The following PELP1 variants were observed in gnomAD, a reference collection of about 807,000 sequenced individuals.
PELP1 encodes proline, glutamate and leucine rich protein 1, also known as proline-, glutamic acid- and leucine-rich protein 1.
Under a neutral mutation model 95.5 loss-of-function variants are expected in PELP1, and 32 were observed. That is an observed-to-expected ratio of 0.34 (90% CI 0.25 to 0.45). The LOEUF is 0.45. Among genes scored for constraint, PELP1 ranks in the 20% least tolerant of loss-of-function variants. The probability of loss-of-function intolerance (pLI) is 1.00; values close to 1 mark genes in which losing one functional copy is unlikely to be tolerated. For synonymous variants in PELP1, 668 were observed against 600.1 expected, an observed-to-expected ratio of 1.11 and a Z score of -1.65; for missense variants, 1,358 against 1,444.8, an observed-to-expected ratio of 0.94 and a Z score of 0.97.
At chr17:4,691,608 T>C (rs1490981907) in intron 1 of PELP1, 166 bp from the exon 2 acceptor site, 12 of 610,668 alleles carry the variant, frequency 2.0e-5, no homozygotes, top group Non-Finnish European at 3.5e-5. Flanking sequence ...TCCCCTTTTT[T>C]CCTGTGGGAA....
chr17:4,699,194 A>T (rs1009204683), intron 1 of PELP1, among the ~76,000 whole-genome samples: 1 of 152,148 alleles, frequency 6.6e-6, no homozygotes, highest in South Asian at 2.1e-4. Context: ...CCTGGCTAAC[A>T]CGGTGAAACC....
intron 1 of PELP1, among the ~76,000 whole-genome samples, chr17:4,699,016 T>C (rs1018758668): frequency 2.0e-5 from 3 of 152,210 alleles, no homozygotes; most frequent in Admixed American, 6.5e-5. Context: ...CAAATGTGCA[T>C]TTATGTTATT....
intron 3 of PELP1, among the ~76,000 whole-genome samples, chr17:4,684,180 G>A (rs980708389): frequency 6.6e-6 from 1 of 152,040 alleles, no homozygotes; most frequent in African/African-American, 2.4e-5. Flanking sequence ...GAGGCCATGT[G>A]TCAAAAAAAG....
intron 3 of PELP1, among the ~76,000 whole-genome samples, chr17:4,690,395 A>C (rs972701899): frequency 2.0e-5 from 3 of 152,080 alleles, no homozygotes. Context: ...ATGTAACCAA[A>C]CACCACCTGT....
At chr17:4,698,205 A>G (rs1162991301) in intron 1 of PELP1, among the ~76,000 whole-genome samples, 6 of 152,058 alleles carry the variant, frequency 3.9e-5, no homozygotes, top group African/African-American at 1.4e-4. Flanking sequence ...CTCCAGTTTA[A>G]TTTGTCTGCT....
chr17:4,673,763 A>G lies in PELP1; in HGVS notation c.1583-89T>C. The G allele has an allele frequency of 9.6e-7, 1 of 1,041,334 alleles. No homozygotes were observed. The highest frequency in any genetic ancestry group is 1.5e-6 in the Non-Finnish European group (1 of 657,832). The allele number at this position is 1,041,334 out of a possible 1,614,324, so 64.5% of individuals were successfully genotyped here. On this transcript the variant is annotated intron_variant, in intron 13 of 16. Transcript: ENST00000572293. The surrounding 1 kb of genome is among the most constrained non-coding windows in gnomAD (Gnocchi z 5.7). ...AGCATACAGCCCAAAATGGGCATCA[A>G]CTCTGCCACTGCCTATCTTGGCCAA...
In PELP1 at chr17:4,675,364, T is replaced by G; in HGVS notation, c.1069-2A>C. The G allele has an allele frequency of 2.0e-6, 3 of 1,518,320 alleles. No individual in the cohort carries two copies. The highest frequency in any genetic ancestry group is 2.7e-6 in the Non-Finnish European group (3 of 1,117,656). 94.1% of individuals were successfully genotyped at this position (1,518,320 alleles called of 1,614,324 possible). A position where few individuals can be genotyped will look rare whatever the true frequency, so the allele number is the denominator to read the frequency against. On this transcript the variant is annotated splice_acceptor_variant, in intron 9 of 16. Transcript: ENST00000572293. LOFTEE classifies it high-confidence loss of function. The surrounding 1 kb of genome is among the most constrained non-coding windows in gnomAD (Gnocchi z 4.3). ...CAGGGGACCATCTCCATGCAAGCTCTGGAGAAAAAAGGGGCAGAGATAAAG... is the reference window on the plus strand; with the variant it reads ...CAGGGGACCATCTCCATGCAAGCTCGGGAGAAAAAAGGGGCAGAGATAAAG...
At chr17:4,692,669 G>T (rs1035283764) in intron 1 of PELP1, among the ~76,000 whole-genome samples, 1 of 151,960 alleles carries the variant, frequency 6.6e-6, no homozygotes, top group East Asian at 1.9e-4. Flanking sequence ...AGTAGGCAAA[G>T]GGGACAGGAT....
chr17:4,689,797 G>T (rs1913028427), intron 3 of PELP1, among the ~76,000 whole-genome samples: 1 of 152,218 alleles, frequency 6.6e-6, no homozygotes. Flanking sequence ...GGAGGCCAAG[G>T]CAGGTGGATC....
chr17:4,671,724 C>T lies in PELP1; in HGVS notation c.3267G>A (p.Glu1089=). ...PPETPAEEEM[E]TETEAEALQE... is the part of the protein sequence containing the mutation. ...GGAGAGCTTCGGCCTCTGTCTCTGT[C>T]TCCATCTCTTCTTCTGCAGGTGTCT... Residue 1089 remains glutamate (E), a synonymous_variant, in exon 16 of 17, where the codon GAG becomes GAA. Transcript: ENST00000572293. 6.5e-7 allele frequency: 1 copy of T among 1,542,686 alleles called. No homozygotes were observed. Among genetic ancestry groups the T allele is most frequent in the Non-Finnish European group, 8.7e-7 (1 of 1,150,446 alleles).
intron 4 of PELP1, 49 bp downstream of exon 4, chr17:4,682,754 G>A: frequency 6.6e-7 from 1 of 1,523,658 alleles, no homozygotes; most frequent in Non-Finnish European, 8.8e-7. Context: ...AGTGTGTGAA[G>A]GTGAGGACTG....
rs1015412795 is a variant in PELP1 at position 4,682,960 on chromosome 17, A to G, written c.421-8T>C. On this transcript the variant is annotated splice_polypyrimidine_tract_variant and splice_region_variant and intron_variant, in intron 3 of 16. Transcript: ENST00000572293. The stretch of plus-strand genomic sequence containing the variant: ...GGCAGGCGGGTCCTGGGTCTAAAGA[A>G]AAAAATAATGTCTCGTGCTTCCAGC... 3.3e-5 allele frequency: 44 copies of G among 1,317,496 alleles called. No individual in the cohort carries two copies. The highest frequency in any genetic ancestry group is 3.8e-5 in the Non-Finnish European group (40 of 1,041,882). 81.6% of individuals were successfully genotyped at this position (1,317,496 alleles called of 1,614,324 possible).
chr17:4,679,801 T>C (rs73973358), intron 5 of PELP1, among the ~76,000 whole-genome samples: 7,019 of 152,248 alleles, frequency 0.046, 499 homozygotes, highest in African/African-American at 0.16. Flanking sequence ...CTATTAGCTG[T>C]GATTAGAGGC....
intron 1 of PELP1, among the ~76,000 whole-genome samples, chr17:4,700,992 TAAAAAAA>T (rs34278447): frequency 6.8e-5 from 2 of 29,410 alleles, no homozygotes; most frequent in Non-Finnish European, 1.1e-4. Context: ...AAAGTTCCAC[TAAAAAAA>T]AAAAAAAAAA....
At chr17:4,683,396 A>G (rs1409187187) in intron 3 of PELP1, among the ~76,000 whole-genome samples, 13 of 151,372 alleles carry the variant, frequency 8.6e-5, no homozygotes, top group African/African-American at 2.9e-4. Context: ...AATTTTTTGT[A>G]TTTTTAGTAG....
chr17:4,670,114 C>G lies in PELP1; in HGVS notation c.*1325G>C, dbSNP rs1912139196. The stretch of plus-strand genomic sequence containing the variant: ...ATCTAGGCAAAGGTTATCTATTATA[C>G]TGTTCTCACTTTTCTGTTTATTTCG... On this transcript the variant is annotated 3_prime_UTR_variant, in exon 17 of 17. Transcript: ENST00000572293. The G allele has an allele frequency of 6.6e-6, 1 of 152,186 alleles. No individual in the cohort carries two copies. Among genetic ancestry groups the G allele is most frequent in the Non-Finnish European group, 1.5e-5 (1 of 68,026 alleles). The allele number at this position is 152,186 out of a possible 1,614,324, so 9.4% of individuals were successfully genotyped here. A position where few individuals can be genotyped will look rare whatever the true frequency, so the allele number is the denominator to read the frequency against.
Position 4,673,481 on chromosome 17 carries a change from A to G in PELP1, c.1639-25T>C. 4 of 1,578,254 alleles carry G rather than the reference A, an allele frequency of 2.5e-6. No homozygotes were observed. Among genetic ancestry groups the G allele is most frequent in the Non-Finnish European group, 3.5e-6 (4 of 1,157,956 alleles). ...TCTGAAAAGGACAGAGCACACCTGG[A>G]AACATCCCCAAGACCACCCAACCCT... is the stretch of plus-strand genomic sequence containing the variant. On this transcript the variant is annotated intron_variant, in intron 14 of 16. Coordinates refer to ENST00000572293, the MANE Select transcript of PELP1 (RefSeq NM_014389.3). The surrounding 1 kb of genome is among the most constrained non-coding windows in gnomAD (Gnocchi z 5.7).
chr17:4,675,366 G>T lies in PELP1; in HGVS notation c.1069-4C>A. The T allele has an allele frequency of 6.7e-7, 1 of 1,486,966 alleles. No homozygotes were observed. 92.1% of individuals were successfully genotyped at this position (1,486,966 alleles called of 1,614,324 possible). Reference sequence around the variant, plus strand: ...GGGGACCATCTCCATGCAAGCTCTGGAGAAAAAAGGGGCAGAGATAAAGAG... The same window carrying T: ...GGGGACCATCTCCATGCAAGCTCTGTAGAAAAAAGGGGCAGAGATAAAGAG... On this transcript the variant is annotated splice_polypyrimidine_tract_variant and splice_region_variant and intron_variant, in intron 9 of 16. Coordinates refer to ENST00000572293, the MANE Select transcript of PELP1 (RefSeq NM_014389.3). The surrounding 1 kb of genome is among the most constrained non-coding windows in gnomAD (Gnocchi z 4.3).
chr17:4,685,637 G>A (rs1397994307), intron 3 of PELP1, among the ~76,000 whole-genome samples: 1 of 130,994 alleles, frequency 7.6e-6, no homozygotes, highest in African/African-American at 2.9e-5. Flanking sequence ...AAAAAAAAAT[G>A]TTTTAATTAG....
Sources: allele counts gnomAD v4.1 joint callset (sites outside exome capture counted in the v4.1 genomes callset), GRCh38; gene constraint gnomAD v4.1.1; non-coding constraint Gnocchi (gnomAD v3.1); transcripts MANE v1.5; gene names NCBI Gene and HGNC (gene_info 2026-07-23, HGNC 2026-07-21).